The following CFH variants were observed in gnomAD, a reference collection of about 807,000 sequenced individuals.
CFH encodes complement factor H.
A neutral mutation model predicts 147.3 loss-of-function variants in CFH; 53 were observed. The observed-to-expected ratio is 0.36, with a 90% CI of 0.29 to 0.45. CFH has a LOEUF of 0.45. Among genes scored for constraint, CFH ranks in the 20% least tolerant of loss-of-function variants. The probability of loss-of-function intolerance (pLI) is 1.00; values close to 1 mark genes in which losing one functional copy is unlikely to be tolerated. For missense variants in CFH, 1,380 were observed against 1,498.0 expected, an observed-to-expected ratio of 0.92 and a Z score of 1.30; for synonymous variants, 536 against 489.4, an observed-to-expected ratio of 1.10 and a Z score of -1.26.
At chr1:196,708,274 A>T (rs1668642213) in intron 9 of CFH, among the ~76,000 whole-genome samples, 1 of 152,154 alleles carries the variant, frequency 6.6e-6, no homozygotes, top group Admixed American at 6.6e-5. Context: ...TGTTAGTCAT[A>T]CTTGTCACTG....
chr1:196,731,954 G>T (rs1669289962), intron 15 of CFH, among the ~76,000 whole-genome samples: 1 of 151,788 alleles, frequency 6.6e-6, no homozygotes, highest in Admixed American at 6.6e-5. Context: ...ATTGTGTTAT[G>T]TCTTAAAGTG....
chr1:196,694,596 G>A (rs1668186583), intron 9 of CFH, among the ~76,000 whole-genome samples: 1 of 152,152 alleles, frequency 6.6e-6, no homozygotes, highest in African/African-American at 2.4e-5. Flanking sequence ...TTCCACTATG[G>A]TTGAACTAAT....
intron 6 of CFH, among the ~76,000 whole-genome samples, chr1:196,683,974 T>C (rs1040589531): frequency 6.6e-6 from 1 of 151,922 alleles, no homozygotes; most frequent in Admixed American, 6.6e-5. Flanking sequence ...AGCTTTTTAG[T>C]CCAAAATAAA....
At chr1:196,679,526 C>T in intron 5 of CFH, 97 bp from the exon 6 acceptor site, 2 of 912,406 alleles carry the variant, frequency 2.2e-6, no homozygotes, top group East Asian at 2.5e-5. Flanking sequence ...ACTGATTTAC[C>T]TGATGGAAAC....
chr1:196,701,375 A>C (rs1375840380), intron 9 of CFH: 1 of 1,613,454 alleles, frequency 6.2e-7, no homozygotes, highest in African/African-American at 1.3e-5. Flanking sequence ...AGTGGATCAA[A>C]GATGACAAGG....
intron 9 of CFH, among the ~76,000 whole-genome samples, chr1:196,691,480 A>T (rs1288870638): frequency 6.6e-6 from 1 of 152,020 alleles, no homozygotes; most frequent in African/African-American, 2.4e-5. Flanking sequence ...ATAAAATGTT[A>T]TAACATTATA....
chr1:196,714,696 GA>G lies in CFH; in HGVS notation c.1519+780del, dbSNP rs1558173536. Among the ~76,000 whole-genome samples the G allele has an allele frequency of 3.1e-4, 37 of 118,950 alleles. 2 individuals carry two copies. Among genetic ancestry groups the G allele is most frequent in the East Asian group, 7.0e-4 (3 of 4,300 alleles). The allele number at this position is 118,950 out of a possible 152,430, so 78.0% of individuals were successfully genotyped here. ...AGAGAGAGAGAGAGAGAGAGAGAGA[GA>G]GAGAGAGAGAGAGAGAGAGAGATGG... On this transcript the variant is annotated intron_variant, in intron 10 of 21. Transcript: ENST00000367429.
intron 1 of CFH, among the ~76,000 whole-genome samples, chr1:196,668,069 TTTTA>T (rs1438009709): frequency 6.6e-6 from 1 of 152,160 alleles, no homozygotes; most frequent in Non-Finnish European, 1.5e-5. Flanking sequence ...CAAGGCTCTT[TTTTA>T]TTTGAGTAAA....
intron 13 of CFH, 41 bp downstream of exon 13, chr1:196,726,693 T>C: frequency 1.2e-6 from 2 of 1,605,658 alleles, no homozygotes; most frequent in Non-Finnish European, 1.7e-6. Flanking sequence ...GTCAAAACTT[T>C]TGTATTTTGT....
intron 14 of CFH, among the ~76,000 whole-genome samples, chr1:196,727,359 T>G (rs1371706781): frequency 6.6e-6 from 1 of 151,868 alleles, no homozygotes; most frequent in African/African-American, 2.4e-5. Flanking sequence ...TTGTAATTAG[T>G]TAAGGTGTGG....
intron 15 of CFH, 71 bp downstream of exon 15, chr1:196,728,593 T>C: frequency 1.4e-6 from 2 of 1,440,786 alleles, no homozygotes; most frequent in Non-Finnish European, 9.7e-7. Flanking sequence ...ATGTGTGTCT[T>C]TTAAAAACTT....
chr1:196,655,782 A>G (rs1558147653), intron 1 of CFH, among the ~76,000 whole-genome samples: 1 of 152,196 alleles, frequency 6.6e-6, no homozygotes, highest in Non-Finnish European at 1.5e-5. Flanking sequence ...ACCATAGTAC[A>G]TGGAAAGGGG....
chr1:196,711,484 A>T (rs778531426), intron 9 of CFH, among the ~76,000 whole-genome samples: 9 of 152,006 alleles, frequency 5.9e-5, no homozygotes, highest in Non-Finnish European at 1.2e-4. Context: ...TTTTAACTCC[A>T]TTCTGTATTT....
At chr1:196,708,322 C>A (rs903881874) in intron 9 of CFH, among the ~76,000 whole-genome samples, 21 of 152,122 alleles carry the variant, frequency 1.4e-4, no homozygotes, top group African/African-American at 4.8e-4. Context: ...CCTATCTGCA[C>A]CAGCTTCTTT....
At chr1:196,656,082 G>A (rs1666675722) in intron 1 of CFH, among the ~76,000 whole-genome samples, 1 of 152,108 alleles carries the variant, frequency 6.6e-6, no homozygotes, top group African/African-American at 2.4e-5. Flanking sequence ...CAGGTGGGTG[G>A]ATCACCATGT....
intron 1 of CFH, among the ~76,000 whole-genome samples, chr1:196,656,317 A>G (rs1034844527): frequency 6.6e-6 from 1 of 151,744 alleles, no homozygotes; most frequent in Non-Finnish European, 1.5e-5. Flanking sequence ...AAGAAAAAAA[A>G]AAAAAAGAAA....
chr1:196,678,071 T>C (rs1263116626), intron 5 of CFH: 1 of 204,082 alleles, frequency 4.9e-6, no homozygotes, highest in African/African-American at 2.3e-5. Context: ...CTGTAAGACC[T>C]CTGGAATAGA....
chr1:196,691,988 C>T (rs1030938583), intron 9 of CFH, among the ~76,000 whole-genome samples: 5 of 151,608 alleles, frequency 3.3e-5, no homozygotes. Context: ...TTTATAGTAC[C>T]TTTCTCAAAC....
intron 1 of CFH, among the ~76,000 whole-genome samples, chr1:196,661,743 C>T (rs774387680): frequency 5.9e-5 from 9 of 152,282 alleles, no homozygotes; most frequent in Non-Finnish European, 1.0e-4. Context: ...GCCTTCTTAA[C>T]TTACTAAAGT....
Sources: allele counts gnomAD v4.1 joint callset (sites outside exome capture counted in the v4.1 genomes callset), GRCh38; gene constraint gnomAD v4.1.1; transcripts MANE v1.5; gene names NCBI Gene and HGNC (gene_info 2026-07-23, HGNC 2026-07-21).